PCDHGA5: variants seen among roughly 807,000 people sequenced by gnomAD.
PCDHGA5 encodes protocadherin gamma-A5.
Under a neutral mutation model 56.7 loss-of-function variants are expected in PCDHGA5, and 36 were observed. The ratio of observed to expected loss-of-function variants is 0.64; its 90% CI spans 0.49 to 0.84. The LOEUF (loss-of-function observed/expected upper bound fraction) is 0.84. Among genes scored for constraint, PCDHGA5 ranks in the 40% least tolerant of loss-of-function variants. The probability of loss-of-function intolerance (pLI) is 0.00; values close to 1 mark genes in which losing one functional copy is unlikely to be tolerated. For synonymous variants in PCDHGA5, 563 were observed against 520.2 expected, an observed-to-expected ratio of 1.08 and a Z score of -1.12; for missense variants, 1,305 against 1,201.5, an observed-to-expected ratio of 1.09 and a Z score of -1.27.
chr5:141,372,906 C>A, intron 1 of PCDHGA5: 1 of 1,079,660 alleles, frequency 9.3e-7, no homozygotes, highest in Non-Finnish European at 1.3e-6. Context: ...TCCCTGATTA[C>A]ATTATTTTAT....
intron 1 of PCDHGA5, among the ~76,000 whole-genome samples, chr5:141,406,925 GTAT>G (rs2094866637): frequency 6.6e-6 from 1 of 152,150 alleles, no homozygotes; most frequent in South Asian, 2.1e-4. Flanking sequence ...AGAGAATAAT[GTAT>G]TATTTAATGT....
In PCDHGA5 at chr5:141,367,047, A is replaced by G. The variant is rs866542840; in HGVS notation, c.2421+296A>G. Reference sequence around the variant, plus strand: ...ATTGGAACTGCAGTTCTATTAATAGAAAAGATGTTTTATTTATTCAAATTG... The same window carrying G: ...ATTGGAACTGCAGTTCTATTAATAGGAAAGATGTTTTATTTATTCAAATTG... On this transcript the variant is annotated intron_variant, in intron 1 of 3. Coordinates refer to ENST00000518069, the MANE Select transcript of PCDHGA5 (RefSeq NM_018918.3). 8 of 336,290 alleles carry G rather than the reference A, an allele frequency of 2.4e-5. No individual in the cohort carries two copies. In the Middle Eastern group the frequency reaches 2.8e-3, roughly 116 times the overall value. 20.8% of individuals were successfully genotyped at this position (336,290 alleles called of 1,614,324 possible).
At position 141,476,112 on chromosome 5, in the gene PCDHGA5, G is replaced by A. The variant is rs1201449171; in HGVS notation, c.2422-18695G>A. 2.5e-6 allele frequency: 4 copies of A among 1,590,646 alleles called. No homozygotes were observed. Among genetic ancestry groups the A allele is most frequent in the Non-Finnish European group, 2.6e-6 (3 of 1,170,830 alleles). ...CCCCGCTGAGAGGAACTGCTTTTGA[G>A]TGAGATGGTCCCAGAGGCCTGGAGG... On this transcript the variant is annotated intron_variant, in intron 1 of 3. Transcript: ENST00000518069. The surrounding 1 kb of genome is among the most constrained non-coding windows in gnomAD (Gnocchi z 7.6).
chr5:141,377,871 C>T (rs1490492398), intron 1 of PCDHGA5: 1 of 152,290 alleles, frequency 6.6e-6, no homozygotes, highest in East Asian at 1.9e-4. Flanking sequence ...AAAGACTTCT[C>T]TTATCAGAGA....
intron 1 of PCDHGA5, among the ~76,000 whole-genome samples, chr5:141,483,203 A>T (rs940487337): frequency 1.3e-5 from 2 of 152,204 alleles, no homozygotes; most frequent in African/African-American, 2.4e-5. Flanking sequence ...ATTTTATTCC[A>T]TATAGATGAC....
chr5:141,404,466 T>C lies in PCDHGA5; in HGVS notation c.2421+37715T>C, dbSNP rs536211455. ...CAAGGGTCTCCTCTCTCCACCTATG[T>C]CTCTATTAACTCAGACACTGGTGTG... On this transcript the variant is annotated intron_variant, in intron 1 of 3. Transcript: ENST00000518069. 28 of 1,613,558 alleles carry C rather than the reference T, an allele frequency of 1.7e-5. No individual in the cohort carries two copies. Among genetic ancestry groups the C allele is most frequent in the East Asian group, 2.2e-5 (1 of 44,882 alleles).
intron 1 of PCDHGA5, chr5:141,422,768 T>C: frequency 6.2e-7 from 1 of 1,613,824 alleles, no homozygotes. Context: ...AACACTGGTG[T>C]TCTCTATGCC....
rs748873655 is a variant in PCDHGA5 at position 141,410,002 on chromosome 5, C to A, written c.2421+43251C>A. The A allele has an allele frequency of 1.1e-5, 18 of 1,613,250 alleles. No individual in the cohort carries two copies. Among genetic ancestry groups the A allele is most frequent in the Middle Eastern group, 1.7e-4 (1 of 6,056 alleles). On this transcript the variant is annotated intron_variant, in intron 1 of 3. Coordinates refer to ENST00000518069, the MANE Select transcript of PCDHGA5 (RefSeq NM_018918.3). ...TAGCGGTGGACGCCGACTCGGGACA[C>A]AACGCCTGGCTGTCCTACCACGTGC...
intron 1 of PCDHGA5, chr5:141,418,768 T>C (rs1216316680): frequency 6.2e-7 from 1 of 1,613,712 alleles, no homozygotes; most frequent in Non-Finnish European, 8.5e-7. Context: ...ACATTCTAAC[T>C]CAGCAGCCTT....
At chr5:141,381,556 T>G (rs1777268817) in intron 1 of PCDHGA5, among the ~76,000 whole-genome samples, 1 of 152,200 alleles carries the variant, frequency 6.6e-6, no homozygotes, top group Admixed American at 6.5e-5. Context: ...TGAATTGAAT[T>G]GCATAATGAA....
rs755884627 is a variant in PCDHGA5 at position 141,364,769 on chromosome 5, G to T, written c.439G>T (p.Ala147Ser). 1 of 1,614,012 alleles carries T rather than the reference G, an allele frequency of 6.2e-7. No homozygotes were observed. Among genetic ancestry groups the T allele is most frequent in the Admixed American group, 1.7e-5 (1 of 60,028 alleles). Residue 147 changes from alanine (A) to serine (S), a missense_variant, in exon 1 of 4, where the codon GCT (alanine) becomes TCT (serine). Physicochemically the swap from Ala to Ser is moderately conservative, Grantham distance 99. Coordinates refer to ENST00000518069, the MANE Select transcript of PCDHGA5 (RefSeq NM_018918.3). ...ELKVKVNENA[A>S]AGTRLVLPFA... Reference sequence around the variant, plus strand: ...AAAAGTAAAAGTTAATGAAAATGCGGCTGCAGGGACACGGTTAGTGCTTCC... The same window carrying T: ...AAAAGTAAAAGTTAATGAAAATGCGTCTGCAGGGACACGGTTAGTGCTTCC...
chr5:141,398,855 A>C, intron 1 of PCDHGA5: 1 of 1,613,970 alleles, frequency 6.2e-7, no homozygotes, highest in Non-Finnish European at 8.5e-7. Context: ...CCGGTATTCA[A>C]CCGAGACGTG....
At chr5:141,474,106 A>G (rs1334111464) in intron 1 of PCDHGA5, among the ~76,000 whole-genome samples, 1 of 152,108 alleles carries the variant, frequency 6.6e-6, no homozygotes, top group African/African-American at 2.4e-5. Flanking sequence ...CAACAAAAAC[A>G]ACAACAACGA....
chr5:141,405,494 A>G, intron 1 of PCDHGA5: 1 of 840,532 alleles, frequency 1.2e-6, no homozygotes, highest in Non-Finnish European at 1.8e-6. Context: ...ATCTCGGCTC[A>G]TTGCAACCTC....
At chr5:141,374,447 G>C in intron 1 of PCDHGA5, 1 of 1,613,798 alleles carries the variant, frequency 6.2e-7, no homozygotes, top group Non-Finnish European at 8.5e-7. Flanking sequence ...CGTGGAAGTG[G>C]AAATAGTGGA....
At chr5:141,399,041 T>A (rs375762745) in intron 1 of PCDHGA5, 150 of 1,613,746 alleles carry the variant, frequency 9.3e-5, no homozygotes, top group Non-Finnish European at 1.2e-4. Context: ...AAACTGGATT[T>A]TGAAGAGACC....
chr5:141,433,090 C>T, intron 1 of PCDHGA5: 2 of 1,614,210 alleles, frequency 1.2e-6, no homozygotes, highest in Non-Finnish European at 1.7e-6. Flanking sequence ...ACTATGCAGA[C>T]ATGCTCGTCA....
intron 1 of PCDHGA5, among the ~76,000 whole-genome samples, chr5:141,442,609 TA>T (rs1238913928): frequency 6.6e-6 from 1 of 152,112 alleles, no homozygotes; most frequent in African/African-American, 2.4e-5. Flanking sequence ...GAGATCTCAG[TA>T]AAAAGCATTT....
At chr5:141,457,719 G>T (rs1437841051) in intron 1 of PCDHGA5, among the ~76,000 whole-genome samples, 1 of 152,226 alleles carries the variant, frequency 6.6e-6, no homozygotes, top group Non-Finnish European at 1.5e-5. Context: ...GTTCCACAAG[G>T]AATTTCAGAT....
Sources: gnomAD v4.1 joint callset for allele counts (sites outside exome capture counted in the v4.1 genomes callset) on GRCh38, gnomAD v4.1.1 for gene constraint, Gnocchi (gnomAD v3.1) non-coding constraint, MANE v1.5 for transcripts, NCBI Gene and HGNC (gene_info 2026-07-23, HGNC 2026-07-21) for gene names.